Variants in ADAMTSL1 observed in about 807,000 individuals in gnomAD.
ADAMTSL1 encodes the protein ADAMTS-like protein 1.
ADAMTSL1 carries 126 observed loss-of-function variants against 201.8 expected under a neutral mutation model. That is an observed-to-expected ratio of 0.62 (90% CI 0.54 to 0.72). ADAMTSL1 has a LOEUF of 0.72. ADAMTSL1 is among the 30% of genes least tolerant of loss of function. The probability of loss-of-function intolerance (pLI) is 0.00; values close to 1 mark genes in which losing one functional copy is unlikely to be tolerated. For synonymous variants in ADAMTSL1, 1,121 were observed against 903.4 expected (o/e 1.24, Z -4.32); for missense variants, 2,679 against 2,277.8 (o/e 1.18, Z -3.59).
chr9:18,035,024 A>C (rs927584689), intron 1 of ADAMTSL1, among the ~76,000 whole-genome samples: 1 of 152,036 alleles, frequency 6.6e-6, no homozygotes, highest in African/African-American at 2.4e-5. Context: ...TTTGATCCCA[A>C]CTGTCTCTTG....
intron 4 of ADAMTSL1, among the ~76,000 whole-genome samples, chr9:18,585,135 C>T (rs1019177970): frequency 3.3e-5 from 5 of 152,050 alleles, no homozygotes; most frequent in Non-Finnish European, 7.4e-5. Flanking sequence ...GTCACCGTAG[C>T]TGGGTCTTTT....
At chr9:18,494,720 C>G (rs554363217) in intron 1 of ADAMTSL1, among the ~76,000 whole-genome samples, 3 of 152,152 alleles carry the variant, frequency 2.0e-5, no homozygotes, top group African/African-American at 7.2e-5. Context: ...GGCTCTTCAC[C>G]TTTTTTGAAG....
At chr9:18,794,486 A>G (rs978445276) in intron 19 of ADAMTSL1, among the ~76,000 whole-genome samples, 2 of 152,136 alleles carry the variant, frequency 1.3e-5, no homozygotes, top group African/African-American at 4.8e-5. Flanking sequence ...AATAAAGACA[A>G]TAGATGTATA....
chr9:18,217,343 A>G (rs916518886), intron 2 of ADAMTSL1, among the ~76,000 whole-genome samples: 1 of 152,086 alleles, frequency 6.6e-6, no homozygotes, highest in East Asian at 1.9e-4. Context: ...TTTTCACTGC[A>G]TCACTGTTGC....
chr9:18,275,493 C>G (rs542665421), intron 2 of ADAMTSL1, among the ~76,000 whole-genome samples: 2 of 152,282 alleles, frequency 1.3e-5, no homozygotes, highest in East Asian at 3.9e-4. Context: ...TTCTCTTATT[C>G]TACTTACCAG....
At chr9:18,567,692 T>A (rs764376718) in intron 3 of ADAMTSL1, among the ~76,000 whole-genome samples, 6 of 152,174 alleles carry the variant, frequency 3.9e-5, no homozygotes, top group Non-Finnish European at 8.8e-5. Flanking sequence ...TGTCTAAAAC[T>A]GTGGATAGTA....
chr9:18,510,202 A>G (rs990940976), intron 2 of ADAMTSL1, among the ~76,000 whole-genome samples: 1 of 152,178 alleles, frequency 6.6e-6, no homozygotes, highest in South Asian at 2.1e-4. Flanking sequence ...TATGAAAGAA[A>G]TGTAAAGGGA....
chr9:18,906,837 G>C lies in ADAMTSL1; in HGVS notation c.5107G>C (p.Val1703Leu), dbSNP rs1350761300. 2 of 1,613,930 alleles carry C rather than the reference G, an allele frequency of 1.2e-6. No homozygotes were observed. The highest frequency in any genetic ancestry group is 1.7e-5 in the Admixed American group (1 of 60,008). ...ECVHARTNKA[V>L]PEHLCSWGPR... Reference sequence around the variant, plus strand: ...TGTGCATGCCCGCACCAACAAGGCAGTGCCTGAGCACCTGTGCTCCTGGGG... The same window carrying C: ...TGTGCATGCCCGCACCAACAAGGCACTGCCTGAGCACCTGTGCTCCTGGGG... Residue 1703 changes from valine to leucine, a missense_variant, in exon 28 of 29, where the codon GTG (valine) becomes CTG (leucine). By Grantham distance (32) the Val-to-Leu change is conservative. Transcript: ENST00000380548.
chr9:18,770,661 G>A lies in ADAMTSL1; in HGVS notation c.2277G>A (p.Met759Ile). Residue 759 changes from methionine (M) to isoleucine (I), a missense_variant, in exon 17 of 29, where the codon ATG becomes ATA. By Grantham distance (10) the Met-to-Ile change is conservative (BLOSUM62 1). Transcript: ENST00000380548. The stretch of plus-strand genomic sequence containing the variant: ...GTGAGGTTCTTTGCAAGCAGCGCAT[G>A]GCTGATGGCAGCTTCCTGGAGCTTC... ...QKREVLCKQR[M>I]ADGSFLELPE... The A allele has an allele frequency of 6.2e-7, 1 of 1,613,642 alleles. No individual in the cohort carries two copies. Among genetic ancestry groups the A allele is most frequent in the Non-Finnish European group, 8.5e-7 (1 of 1,179,808 alleles).
chr9:18,661,829 G>A, intron 8 of ADAMTSL1, 106 bp from the exon 9 acceptor site: 3 of 1,181,086 alleles, frequency 2.5e-6, no homozygotes, highest in Non-Finnish European at 3.5e-6. Context: ...AAATGACTAA[G>A]GCATTGGGGA....
At position 18,272,529 on chromosome 9, in the gene ADAMTSL1, T is replaced by C. The variant is rs373757119; in HGVS notation, c.207+108548T>C. The stretch of plus-strand genomic sequence containing the variant: ...CTAGAAGAAAACCTAGGCAATACCA[T>C]TCAGGACATAGGCATGGGCAATGAA... On this transcript the variant is annotated intron_variant, in intron 2 of 29. Transcript: ENST00000680146. Among the ~76,000 whole-genome samples the C allele has an allele frequency of 2.0e-5, 3 of 152,202 alleles. No homozygotes were observed. The East Asian group carries it at 5.8e-4, about 29-fold the overall frequency.
intron 20 of ADAMTSL1, among the ~76,000 whole-genome samples, chr9:18,796,371 G>A (rs1822418129): frequency 6.6e-6 from 1 of 152,124 alleles, no homozygotes; most frequent in African/African-American, 2.4e-5. Context: ...TGAGAAAATA[G>A]GATCCATCCT....
chr9:18,447,892 A>G (rs1820257184), intron 2 of ADAMTSL1, among the ~76,000 whole-genome samples: 1 of 152,238 alleles, frequency 6.6e-6, no homozygotes, highest in Non-Finnish European at 1.5e-5. Flanking sequence ...TGTCGAGCAC[A>G]CATGGTTGTG....
intron 2 of ADAMTSL1, among the ~76,000 whole-genome samples, chr9:18,509,450 T>C (rs1436434476): frequency 6.6e-6 from 1 of 152,122 alleles, no homozygotes; most frequent in African/African-American, 2.4e-5. Context: ...AAACCACTAA[T>C]CCTCAGTGGA....
At chr9:17,966,263 T>C (rs2131412545) in intron 1 of ADAMTSL1, among the ~76,000 whole-genome samples, 1 of 152,266 alleles carries the variant, frequency 6.6e-6, no homozygotes, top group African/African-American at 2.4e-5. Context: ...AAGTGCTATG[T>C]CAGAGTGTTA....
At chr9:18,155,487 A>C (rs1381846613) in intron 1 of ADAMTSL1, among the ~76,000 whole-genome samples, 1 of 152,046 alleles carries the variant, frequency 6.6e-6, no homozygotes, top group Non-Finnish European at 1.5e-5. Flanking sequence ...CATGGGCCTC[A>C]TGTGGTCCCG....
chr9:18,000,107 TG>T (rs1198189745), intron 1 of ADAMTSL1, among the ~76,000 whole-genome samples: 1 of 150,942 alleles, frequency 6.6e-6, no homozygotes, highest in Non-Finnish European at 1.5e-5. Context: ...TATAGTCATA[TG>T]GGTATATACC....
intron 3 of ADAMTSL1, among the ~76,000 whole-genome samples, chr9:18,572,157 T>C (rs1358075713): frequency 6.7e-6 from 1 of 150,046 alleles, no homozygotes; most frequent in African/African-American, 2.5e-5. Flanking sequence ...ATCACGCCAC[T>C]ACACTCCACC....
intron 1 of ADAMTSL1, among the ~76,000 whole-genome samples, chr9:18,041,356 T>C (rs1821419584): frequency 6.6e-6 from 1 of 152,184 alleles, no homozygotes; most frequent in South Asian, 2.1e-4. Context: ...ATGGTGCTAG[T>C]TTTATGGAAG....
Sources: allele counts gnomAD v4.1 joint callset (sites outside exome capture counted in the v4.1 genomes callset), GRCh38; gene constraint gnomAD v4.1.1; transcripts MANE v1.5; gene names NCBI Gene and HGNC (gene_info 2026-07-23, HGNC 2026-07-21).